Variants in TBX5 observed in about 807,000 individuals in gnomAD.
TBX5 encodes the protein T-box transcription factor TBX5.
A neutral mutation model predicts 51.1 loss-of-function variants in TBX5; 8 were observed. That is an observed-to-expected ratio of 0.16 (90% CI 0.09 to 0.28). The LOEUF is 0.28. Among genes scored for constraint, TBX5 ranks in the 10% least tolerant of loss-of-function variants. TBX5 has a pLI of 1.00. For synonymous variants in TBX5, 302 were observed against 266.4 expected, an observed-to-expected ratio of 1.13 and a Z score of -1.30; for missense variants, 589 against 671.7, an observed-to-expected ratio of 0.88 and a Z score of 1.36.
At chr12:114,407,580 C>T (rs1011503943), upstream of TBX5, among the ~76,000 whole-genome samples, 13 of 152,208 alleles carry the variant, frequency 8.5e-5, no homozygotes, top group African/African-American at 2.9e-4. Context: ...GCCAGATTTG[C>T]TTAGCTCATT....
At chr12:114,358,881 A>T (rs1869071927) in intron 8 of TBX5, among the ~76,000 whole-genome samples, 1 of 151,834 alleles carries the variant, frequency 6.6e-6, no homozygotes, top group African/African-American at 2.4e-5. Flanking sequence ...CCTTTCCTTC[A>T]ATTCTTCCTT....
intron 7 of TBX5, among the ~76,000 whole-genome samples, chr12:114,374,481 A>G (rs950200908): frequency 6.6e-6 from 1 of 152,202 alleles, no homozygotes; most frequent in African/African-American, 2.4e-5. Context: ...CCCAGGAGAA[A>G]GAAGTCTTCC....
chr12:114,403,686 C>A (rs909601740), intron 2 of TBX5, 66 bp downstream of exon 2: 12 of 1,585,118 alleles, frequency 7.6e-6, no homozygotes, highest in Non-Finnish European at 9.4e-6. Context: ...CAAGAGAAGC[C>A]GAGCAGGAAA....
At chr12:114,379,949 AT>A (rs1870415323) in intron 7 of TBX5, among the ~76,000 whole-genome samples, 1 of 152,106 alleles carries the variant, frequency 6.6e-6, no homozygotes. Flanking sequence ...TATCTCTACA[AT>A]TCCACACTTC....
chr12:114,355,370 A>G lies in TBX5; in HGVS notation c.*162T>C, dbSNP rs1486973961. On this transcript the variant is annotated 3_prime_UTR_variant, in exon 9 of 9. Transcript: ENST00000405440. Reference sequence around the variant, plus strand: ...TTAAAATTGTGGTTTCAAGCTACTGATTAGATCAGCATCCAGCGACCTTGA... The same window carrying G: ...TTAAAATTGTGGTTTCAAGCTACTGGTTAGATCAGCATCCAGCGACCTTGA... 1 of 876,700 alleles carries G rather than the reference A, an allele frequency of 1.1e-6. No homozygotes were observed. The highest frequency in any genetic ancestry group is 2.0e-5 in the Admixed American group (1 of 50,186). 54.3% of individuals were successfully genotyped at this position (876,700 alleles called of 1,614,324 possible). A position where few individuals can be genotyped will look rare whatever the true frequency, so the allele number is the denominator to read the frequency against.
chr12:114,369,957 T>C (rs1869763658), intron 7 of TBX5, among the ~76,000 whole-genome samples: 1 of 151,982 alleles, frequency 6.6e-6, no homozygotes, highest in Non-Finnish European at 1.5e-5. Flanking sequence ...ACATTAGAGA[T>C]AAGAAAATGC....
chr12:114,387,982 A>C (rs1303812872), intron 6 of TBX5, among the ~76,000 whole-genome samples: 1 of 151,944 alleles, frequency 6.6e-6, no homozygotes, highest in African/African-American at 2.4e-5. Flanking sequence ...GACCACAGGC[A>C]TGCACCACCA....
chr12:114,403,837 T>G lies in TBX5; in HGVS notation c.62A>C (p.Asp21Ala). 6.2e-7 allele frequency: 1 copy of G among 1,613,982 alleles called. No individual in the cohort carries two copies. Among genetic ancestry groups the G allele is most frequent in the Non-Finnish European group, 8.5e-7 (1 of 1,179,996 alleles). Residue 21 changes from aspartate (D) to alanine (A), a missense_variant, in exon 2 of 9, where the codon GAC becomes GCC. Coordinates refer to ENST00000405440, the MANE Select transcript of TBX5 (RefSeq NM_181486.4). ...AHTPLEPDAK[D>A]LPCDSKPESA... is the part of the protein sequence containing the mutation. ...CTCGGGTTTCGAATCGCAGGGCAGG[T>G]CTTTTGCGTCAGGCTCCAGAGGCGT...
intron 7 of TBX5, among the ~76,000 whole-genome samples, chr12:114,367,753 C>A (rs1474549271): frequency 6.6e-6 from 1 of 152,150 alleles, no homozygotes; most frequent in Non-Finnish European, 1.5e-5. Context: ...CCCCTAACAT[C>A]CCATATCCAG....
At chr12:114,394,592 G>T in intron 6 of TBX5, 149 bp downstream of exon 6, 1 of 1,021,480 alleles carries the variant, frequency 9.8e-7, no homozygotes, top group Admixed American at 1.9e-5. Flanking sequence ...CTCTTAGGCT[G>T]CAGCTTTGTC....
At chr12:114,393,187 C>T (rs570640045) in intron 6 of TBX5, among the ~76,000 whole-genome samples, 5 of 152,246 alleles carry the variant, frequency 3.3e-5, no homozygotes, top group African/African-American at 1.2e-4. Context: ...TCCTCTCATC[C>T]TTCTCCGGCC....
chr12:114,394,042 C>T (rs941941514), intron 6 of TBX5, among the ~76,000 whole-genome samples: 3 of 152,230 alleles, frequency 2.0e-5, no homozygotes, highest in Non-Finnish European at 2.9e-5. Context: ...TGCAGTGGCT[C>T]ATGCCTGTAA....
chr12:114,407,056 G>A, upstream of TBX5: 2 of 985,386 alleles, frequency 2.0e-6, no homozygotes, highest in Non-Finnish European at 2.4e-6. Flanking sequence ...GGGCCTGCAA[G>A]TCAAGGTCTG....
chr12:114,366,069 A>G (rs1393300737), intron 8 of TBX5, 96 bp downstream of exon 8: 1 of 1,258,624 alleles, frequency 7.9e-7, no homozygotes, highest in Non-Finnish European at 1.2e-6. Flanking sequence ...AAATAAATAA[A>G]GTAAATAAAT....
chr12:114,387,999 G>T (rs534682909), intron 6 of TBX5, among the ~76,000 whole-genome samples: 5 of 152,142 alleles, frequency 3.3e-5, no homozygotes, highest in Admixed American at 2.0e-4. Flanking sequence ...ACCATGCTGG[G>T]CTAATTTTTT....
At chr12:114,360,713 G>C (rs1869188856) in intron 8 of TBX5, among the ~76,000 whole-genome samples, 1 of 150,750 alleles carries the variant, frequency 6.6e-6, no homozygotes, top group South Asian at 2.1e-4. Flanking sequence ...ATGAATGAGT[G>C]AGTGGGTGGA....
At chr12:114,392,281 T>A (rs1485444085) in intron 6 of TBX5, among the ~76,000 whole-genome samples, 11 of 152,016 alleles carry the variant, frequency 7.2e-5, no homozygotes, top group Non-Finnish European at 1.3e-4. Flanking sequence ...AGAAATTTTT[T>A]AAATAGCAAT....
At chr12:114,356,990 CGATG>C (rs60572224) in intron 8 of TBX5, among the ~76,000 whole-genome samples, 30,887 of 143,216 alleles carry the variant, frequency 0.22, 4,174 homozygotes, top group African/African-American at 0.38. Context: ...AATATTTGTA[CGATG>C]GATGGATGGA....
Position 114,355,647 on chromosome 12 carries a change from G to A in TBX5, c.1442C>T (p.Thr481Ile), listed in dbSNP as rs772556634. Reference protein sequence around the residue: ...GPQTGLQSPGTLQPPEFLYSH... With the variant: ...GPQTGLQSPGILQPPEFLYSH... Reference sequence around the variant, plus strand: ...GTAGAGGAACTCAGGGGGCTGAAGGGTGCCAGGGGACTGCAGGCCAGTCTG... The same window carrying A: ...GTAGAGGAACTCAGGGGGCTGAAGGATGCCAGGGGACTGCAGGCCAGTCTG... The change falls in exon 9 of 9, where the codon ACC becomes ATC. Residue 481 changes from threonine to isoleucine, a missense_variant. This residue lies in a region of TBX5 where 348 missense variants were observed against 360.4 expected (regional missense o/e 0.97). Transcript: ENST00000405440. The A allele has an allele frequency of 1.1e-5, 17 of 1,614,096 alleles. No individual in the cohort carries two copies. The highest frequency in any genetic ancestry group is 1.4e-5 in the Non-Finnish European group (17 of 1,180,050).
Sources: gnomAD v4.1 joint callset for allele counts (sites outside exome capture counted in the v4.1 genomes callset) on GRCh38, gnomAD v4.1.1 for gene constraint, gnomAD v4.1.1 regional missense constraint, MANE v1.5 for transcripts, NCBI Gene and HGNC (gene_info 2026-07-23, HGNC 2026-07-21) for gene names.